Variants in DPP10 observed in about 807,000 individuals in gnomAD.
The protein encoded by DPP10 is inactive dipeptidyl peptidase 10.
In DPP10, 33 loss-of-function variants were observed where a neutral mutation model predicts 120.9. The ratio of observed to expected loss-of-function variants is 0.27; its 90% CI spans 0.21 to 0.37. The LOEUF (loss-of-function observed/expected upper bound fraction) is 0.37. Ranked by LOEUF, DPP10 falls within the 10% of genes least tolerant of loss-of-function variation. The pLI, the probability that DPP10 is intolerant of heterozygous loss-of-function variation, is 1.00. For missense variants in DPP10, 816 were observed against 942.8 expected (o/e 0.87, Z 1.76); for synonymous variants, 337 against 326.1 (o/e 1.03, Z -0.36).
At chr2:114,912,707 CA>C (rs1192915178) in intron 1 of DPP10, among the ~76,000 whole-genome samples, 1 of 152,170 alleles carries the variant, frequency 6.6e-6, no homozygotes, top group Non-Finnish European at 1.5e-5. Flanking sequence ...ATTTTGGCCC[CA>C]AGCAGCTCCC....
At chr2:115,109,703 A>T (rs1346897311) in intron 1 of DPP10, among the ~76,000 whole-genome samples, 1 of 152,324 alleles carries the variant, frequency 6.6e-6, no homozygotes, top group East Asian at 1.9e-4. Flanking sequence ...AGTGGCTCTC[A>T]ATTGGAGGTG....
intron 1 of DPP10, among the ~76,000 whole-genome samples, chr2:114,754,069 A>T (rs188323348): frequency 5.7e-4 from 87 of 152,304 alleles, no homozygotes; most frequent in African/African-American, 2.0e-3. Context: ...CATTTTTCTA[A>T]AAATCGCAGT....
chr2:114,962,464 C>G (rs1698714884), intron 1 of DPP10, among the ~76,000 whole-genome samples: 1 of 152,066 alleles, frequency 6.6e-6, no homozygotes, highest in Non-Finnish European at 1.5e-5. Context: ...GTTCAACCAC[C>G]TAGGAGGAAA....
chr2:115,309,462 A>G, intron 2 of DPP10, 109 bp downstream of exon 2: 1 of 958,164 alleles, frequency 1.0e-6, no homozygotes, highest in East Asian at 2.7e-5. Context: ...GCACATTAGC[A>G]TGGGTTGGAA....
intron 1 of DPP10, among the ~76,000 whole-genome samples, chr2:115,112,000 T>C (rs186632678): frequency 6.6e-6 from 1 of 152,350 alleles, no homozygotes; most frequent in East Asian, 1.9e-4. Flanking sequence ...AAAGTTTCCC[T>C]ATCCTGGGAG....
chr2:115,037,635 T>G (rs960681769), intron 1 of DPP10, among the ~76,000 whole-genome samples: 1 of 152,196 alleles, frequency 6.6e-6, no homozygotes, highest in African/African-American at 2.4e-5. Flanking sequence ...TGACTCCAAA[T>G]TATAATTTCC....
chr2:115,630,389 AC>A (rs1361777535), intron 5 of DPP10, among the ~76,000 whole-genome samples: 2 of 152,016 alleles, frequency 1.3e-5, no homozygotes, highest in Admixed American at 6.6e-5. Flanking sequence ...CTACCTGAAT[AC>A]CCTTTATTTT....
At chr2:114,522,043 G>A (rs1418322906) in intron 1 of DPP10, among the ~76,000 whole-genome samples, 4 of 123,184 alleles carry the variant, frequency 3.2e-5, no homozygotes, top group Non-Finnish European at 3.4e-5. Flanking sequence ...GCAGTGGCGG[G>A]ATCTCGGCTC....
intron 21 of DPP10, among the ~76,000 whole-genome samples, chr2:115,827,447 T>TGG (rs1688488006): frequency 1.6e-5 from 2 of 126,842 alleles, no homozygotes; most frequent in East Asian, 4.4e-4. Flanking sequence ...TATATATATA[T>TGG]GCTCTACAGT....
intron 1 of DPP10, among the ~76,000 whole-genome samples, chr2:115,136,891 C>G (rs1156496742): frequency 6.6e-6 from 1 of 152,198 alleles, no homozygotes; most frequent in African/African-American, 2.4e-5. Flanking sequence ...AAAGGATTTT[C>G]ACCTAAAGAT....
At chr2:115,839,201 A>C (rs746140579) in intron 24 of DPP10, among the ~76,000 whole-genome samples, 1 of 152,174 alleles carries the variant, frequency 6.6e-6, no homozygotes, top group Non-Finnish European at 1.5e-5. Context: ...TTTTCCCATT[A>C]AGTGCCATAG....
Position 114,986,046 on chromosome 2 carries a change from T to C in DPP10, c.61-323193T>C, listed in dbSNP as rs530475892. On this transcript the variant is annotated intron_variant, in intron 1 of 25. Transcript: ENST00000410059. ...GCAGTCAATTTATATGGTTAAATAG[T>C]GTATCATTGAAATGTTTGCACATAA... Among the ~76,000 whole-genome samples, 188 of 152,320 alleles carry C rather than the reference T, an allele frequency of 1.2e-3. 1 individual carries two copies. Among genetic ancestry groups the C allele is most frequent in the African/African-American group, 4.0e-3 (165 of 41,560 alleles).
At chr2:114,913,014 T>A (rs551823619) in intron 1 of DPP10, among the ~76,000 whole-genome samples, 1 of 152,210 alleles carries the variant, frequency 6.6e-6, no homozygotes, top group Non-Finnish European at 1.5e-5. Context: ...ATCTTGTCCA[T>A]GGGATGTGGC....
At chr2:115,247,969 C>G (rs1480745354) in intron 1 of DPP10, among the ~76,000 whole-genome samples, 1 of 152,008 alleles carries the variant, frequency 6.6e-6, no homozygotes, top group Non-Finnish European at 1.5e-5. Flanking sequence ...CATGGTAAAC[C>G]CTTGGAATAT....
intron 11 of DPP10, among the ~76,000 whole-genome samples, chr2:115,758,117 T>A (rs191362466): frequency 5.2e-4 from 79 of 152,088 alleles, no homozygotes; most frequent in Admixed American, 5.0e-3. Context: ...CTGTATACAT[T>A]AACAAAAAAG....
chr2:114,467,198 C>T (rs529442910), intron 1 of DPP10, among the ~76,000 whole-genome samples: 2 of 152,098 alleles, frequency 1.3e-5, no homozygotes, highest in African/African-American at 2.4e-5. Flanking sequence ...GGTAAGGAAC[C>T]CTTTAAGGGA....
chr2:114,461,706 A>G, intron 1 of DPP10: 1 of 985,454 alleles, frequency 1.0e-6, no homozygotes. Context: ...AGCCGTCTGC[A>G]CTTAAAAGCC....
At chr2:115,611,344 T>C (rs1342979432) in intron 5 of DPP10, among the ~76,000 whole-genome samples, 1 of 152,196 alleles carries the variant, frequency 6.6e-6, no homozygotes, top group Non-Finnish European at 1.5e-5. Flanking sequence ...AATTACTATC[T>C]TCAAGGGAAT....
intron 2 of DPP10, among the ~76,000 whole-genome samples, chr2:115,316,487 G>A (rs2061798887): frequency 6.6e-6 from 1 of 152,104 alleles, no homozygotes; most frequent in African/African-American, 2.4e-5. Flanking sequence ...ATTCAGCTGA[G>A]GATTGAGGTG....
Sources: allele counts gnomAD v4.1 joint callset (sites outside exome capture counted in the v4.1 genomes callset), GRCh38; gene constraint gnomAD v4.1.1; transcripts MANE v1.5; gene names NCBI Gene and HGNC (gene_info 2026-07-23, HGNC 2026-07-21).